KCNT2: variants seen among roughly 807,000 people sequenced by gnomAD.
KCNT2 encodes potassium channel subfamily T member 2.
Under a neutral mutation model 153.8 loss-of-function variants are expected in KCNT2, and 67 were observed. That is an observed-to-expected ratio of 0.44 (90% CI 0.36 to 0.53). The LOEUF (loss-of-function observed/expected upper bound fraction) is 0.53. Among genes scored for constraint, KCNT2 ranks in the 20% least tolerant of loss-of-function variants. KCNT2 has a pLI of 0.00. For synonymous variants in KCNT2, 500 were observed against 458.8 expected (o/e 1.09, Z -1.15); for missense variants, 975 against 1,354.8 (o/e 0.72, Z 4.40).
chr1:196,331,389 A>G (rs1446402074), intron 17 of KCNT2, 128 bp from the exon 18 acceptor site: 2 of 648,580 alleles, frequency 3.1e-6, no homozygotes, highest in Non-Finnish European at 5.6e-6. Flanking sequence ...TATTTTGATA[A>G]AGAGGTAGTT....
intron 26 of KCNT2, among the ~76,000 whole-genome samples, chr1:196,245,408 C>T (rs1195540533): frequency 6.6e-6 from 1 of 152,152 alleles, no homozygotes; most frequent in Non-Finnish European, 1.5e-5. Flanking sequence ...TGGGTACACA[C>T]AAGCCCAGAT....
At chr1:196,430,716 C>T (rs911228079) in intron 8 of KCNT2, among the ~76,000 whole-genome samples, 85 of 152,008 alleles carry the variant, frequency 5.6e-4, no homozygotes, top group Non-Finnish European at 1.1e-3. Context: ...AAGAGAGCAG[C>T]GTAAAAGTTG....
chr1:196,343,134 A>G (rs1319629052), intron 14 of KCNT2: 2 of 152,194 alleles, frequency 1.3e-5, no homozygotes, highest in African/African-American at 4.8e-5. Flanking sequence ...TGTTGTTTAT[A>G]AAATGCCCAA....
At chr1:196,388,130 C>T (rs1006692834) in intron 13 of KCNT2, among the ~76,000 whole-genome samples, 11 of 151,500 alleles carry the variant, frequency 7.3e-5, no homozygotes, top group Admixed American at 6.6e-4. Flanking sequence ...TACATTTTTT[C>T]CAGAAGGATA....
chr1:196,233,794 A>C (rs1435334976), intron 27 of KCNT2, among the ~76,000 whole-genome samples: 1 of 151,632 alleles, frequency 6.6e-6, no homozygotes, highest in African/African-American at 2.4e-5. Flanking sequence ...CAGTGTTAAG[A>C]GAAATAAGCC....
At chr1:196,278,445 C>T (rs963810704) in intron 25 of KCNT2, among the ~76,000 whole-genome samples, 1 of 151,984 alleles carries the variant, frequency 6.6e-6, no homozygotes, top group Non-Finnish European at 1.5e-5. Flanking sequence ...AAACAGTGTC[C>T]TTTTATCATC....
chr1:196,385,203 C>T (rs577232607), intron 13 of KCNT2, among the ~76,000 whole-genome samples: 9 of 152,146 alleles, frequency 5.9e-5, no homozygotes, highest in Non-Finnish European at 1.2e-4. Context: ...ACAGCCCACA[C>T]AACTCTTCAA....
chr1:196,495,792 T>A (rs150916742), intron 1 of KCNT2, among the ~76,000 whole-genome samples: 1 of 152,310 alleles, frequency 6.6e-6, no homozygotes, highest in East Asian at 1.9e-4. Context: ...AATACCATAA[T>A]AGCAATTTTA....
chr1:196,490,586 C>T (rs1679786783), intron 2 of KCNT2, among the ~76,000 whole-genome samples: 3 of 150,438 alleles, frequency 2.0e-5, no homozygotes, highest in Admixed American at 1.3e-4. Context: ...CACACACATA[C>T]GTTTAAAGTT....
intron 21 of KCNT2, among the ~76,000 whole-genome samples, chr1:196,313,385 A>T (rs1229556586): frequency 1.3e-5 from 2 of 151,578 alleles, no homozygotes; most frequent in East Asian, 3.9e-4. Context: ...TATTCAAAGG[A>T]TCATCTAGGT....
chr1:196,258,331 C>T lies in KCNT2; in HGVS notation c.3074G>A (p.Gly1025Asp), dbSNP rs1002997815. 1 of 1,613,946 alleles carries T rather than the reference C, an allele frequency of 6.2e-7. No homozygotes were observed. The highest frequency in any genetic ancestry group is 8.5e-7 in the Non-Finnish European group (1 of 1,179,952). The part of the protein sequence containing the change: ...MQWARRLSRK[G>D]PKHSGKTAEK... ...AGCTGTTTTACCAGAGTGTTTTGGG[C>T]CTTTTCTGCTCAGTCTTCGGGCCCA... The change falls in exon 26 of 28, where the codon GGC becomes GAC. Residue 1025 changes from glycine to aspartate, a missense_variant. Physicochemically the swap from Gly to Asp is moderately conservative, Grantham distance 94 (BLOSUM62 -1). Transcript: ENST00000294725.
chr1:196,557,711 G>C (rs1180830732), intron 1 of KCNT2, among the ~76,000 whole-genome samples: 1 of 151,152 alleles, frequency 6.6e-6, no homozygotes, highest in Non-Finnish European at 1.5e-5. Context: ...AAAAATAAAA[G>C]TATAGGATTA....
intron 14 of KCNT2, among the ~76,000 whole-genome samples, chr1:196,361,531 T>C (rs1180989897): frequency 6.6e-6 from 1 of 151,958 alleles, no homozygotes; most frequent in African/African-American, 2.4e-5. Flanking sequence ...TGCCAGAAGA[T>C]GACATTAGCT....
intron 26 of KCNT2, among the ~76,000 whole-genome samples, chr1:196,252,822 T>C (rs193082663): frequency 3.3e-5 from 5 of 151,372 alleles, no homozygotes; most frequent in Admixed American, 1.3e-4. Context: ...AAGATATCTA[T>C]ATTATATATA....
At chr1:196,534,570 T>TAGG (rs1655323230) in intron 1 of KCNT2, among the ~76,000 whole-genome samples, 4 of 152,082 alleles carry the variant, frequency 2.6e-5, no homozygotes, top group African/African-American at 7.2e-5. Flanking sequence ...TAATTTAGCA[T>TAGG]TAAGTGGAAC....
rs147111650 is a variant in KCNT2 at position 196,463,880 on chromosome 1, C to T, written c.638+1413G>A. On this transcript the variant is annotated intron_variant, in intron 8 of 27. Coordinates refer to ENST00000294725, the MANE Select transcript of KCNT2 (RefSeq NM_198503.5). ...AAGATTTATTGTGATGAAGATGCCT[C>T]CAGAACAAAAGTACTGCTAAATGTC... Among the ~76,000 whole-genome samples the T allele has an allele frequency of 3.0e-4, 45 of 151,792 alleles. No individual in the cohort carries two copies. In the East Asian group the frequency reaches 8.5e-3, roughly 29 times the overall value.
intron 1 of KCNT2, among the ~76,000 whole-genome samples, chr1:196,502,015 G>T (rs1222532855): frequency 6.6e-6 from 1 of 152,150 alleles, no homozygotes; most frequent in Non-Finnish European, 1.5e-5. Flanking sequence ...GACTCAGGAA[G>T]CAGAGGCAGG....
At position 196,435,139 on chromosome 1, in the gene KCNT2, GTATATATA is replaced by G. The variant is rs1166021273; in HGVS notation, c.639-5390_639-5383del. 7.8e-3 allele frequency among the ~76,000 whole-genome samples: 355 copies of G among 45,720 alleles called. 7 individuals are homozygous for G. The highest frequency in any genetic ancestry group is 0.019 in the African/African-American group (219 of 11,370). The allele number at this position is 45,720 out of a possible 152,430, so 30.0% of individuals were successfully genotyped here. On this transcript the variant is annotated intron_variant, in intron 8 of 27. Transcript: ENST00000294725. ...TAGATACTTATGTGTGTGTGTGTAT[GTATATATA>G]TATATATATATATATATATATATAT...
intron 1 of KCNT2, among the ~76,000 whole-genome samples, chr1:196,520,916 A>G (rs566384838): frequency 3.3e-4 from 50 of 152,340 alleles, no homozygotes; most frequent in Non-Finnish European, 4.6e-4. Context: ...AGACACCAAA[A>G]GCAATCACAA....
Sources: gnomAD v4.1 joint callset for allele counts (sites outside exome capture counted in the v4.1 genomes callset) on GRCh38, gnomAD v4.1.1 for gene constraint, MANE v1.5 for transcripts, NCBI Gene and HGNC (gene_info 2026-07-23, HGNC 2026-07-21) for gene names.